Variants in GHITM observed in about 807,000 individuals in gnomAD.
GHITM encodes the protein growth hormone inducible transmembrane protein.
In GHITM, 24 loss-of-function variants were observed where a neutral mutation model predicts 38.7. That is an observed-to-expected ratio of 0.62 (90% CI 0.45 to 0.87). GHITM has a LOEUF of 0.87. GHITM is among the 40% of genes least tolerant of loss of function. The probability of loss-of-function intolerance (pLI) is 0.00; values close to 1 mark genes in which losing one functional copy is unlikely to be tolerated. For missense variants in GHITM, 420 were observed against 429.8 expected (o/e 0.98, Z 0.20); for synonymous variants, 154 against 147.8 (o/e 1.04, Z -0.30).
In GHITM at chr10:84,141,445, C is replaced by T. The variant is rs542130459; in HGVS notation, c.-39-17C>T. On this transcript the variant is annotated splice_polypyrimidine_tract_variant and intron_variant, in intron 1 of 8. Coordinates refer to ENST00000372134, the MANE Select transcript of GHITM (RefSeq NM_014394.3). ...ACTTATGTTTTTTTGGTTGGTTTTG[C>T]CTTTTTTTTAAACTAGCATTTCAGA... is the stretch of plus-strand genomic sequence containing the variant. 3 of 1,575,442 alleles carry T rather than the reference C, an allele frequency of 1.9e-6. No homozygotes were observed. The highest frequency in any genetic ancestry group is 2.2e-5 in the South Asian group (2 of 89,248).
chr10:84,144,245 A>C, intron 4 of GHITM, 139 bp downstream of exon 4: 3 of 568,010 alleles, frequency 5.3e-6, no homozygotes, highest in East Asian at 2.8e-5. Context: ...CAAATAGAGA[A>C]TCTCTTTTTG....
In GHITM at chr10:84,145,012, G is replaced by C. The variant is rs113970915; in HGVS notation, c.479G>C (p.Trp160Ser). Residue 160 changes from tryptophan (W) to serine (S), a missense_variant, in exon 5 of 9, where the codon TGG becomes TCG. Trp to Ser is a radical substitution (Grantham distance 177). Transcript: ENST00000372134. ...VLMNFMMRGS[W>S]VTIGVTFAAM... ...ATGAACTTCATGATGAGAGGCTCTT[G>C]GGTGGTAAGTCAGCTGTTTTTGTTT... 8.8e-6 allele frequency: 14 copies of C among 1,593,114 alleles called. No individual in the cohort carries two copies. Among genetic ancestry groups the C allele is most frequent in the Non-Finnish European group, 1.2e-5 (14 of 1,169,184 alleles).
intron 6 of GHITM, among the ~76,000 whole-genome samples, chr10:84,149,217 A>C (rs1218111274): frequency 6.6e-6 from 1 of 152,234 alleles, no homozygotes; most frequent in African/African-American, 2.4e-5. Flanking sequence ...TTGCTGCGAA[A>C]TAACAAAAAA....
chr10:84,152,216 C>T (rs1191789435), intron 8 of GHITM, 48 bp from the exon 9 acceptor site: 1 of 807,832 alleles, frequency 1.2e-6, no homozygotes, highest in Non-Finnish European at 2.1e-6. Context: ...AATTCAACAT[C>T]ACTATTAGAA....
chr10:84,149,472 T>G (rs1841589470), intron 6 of GHITM, among the ~76,000 whole-genome samples: 1 of 152,210 alleles, frequency 6.6e-6, no homozygotes, highest in Non-Finnish European at 1.5e-5. Flanking sequence ...AGCACTGAAA[T>G]AATGCATTAT....
At chr10:84,146,067 A>C (rs959278744) in intron 5 of GHITM, among the ~76,000 whole-genome samples, 5 of 152,198 alleles carry the variant, frequency 3.3e-5, no homozygotes, top group Non-Finnish European at 5.9e-5. Context: ...AAAATTAAAA[A>C]AAAATTTTTT....
chr10:84,151,597 CT>C (rs1376747690), intron 8 of GHITM, among the ~76,000 whole-genome samples: 1 of 151,956 alleles, frequency 6.6e-6, no homozygotes, highest in Non-Finnish European at 1.5e-5. Flanking sequence ...ATAGAAAAGC[CT>C]ATTTTATACT....
Position 84,153,339 on chromosome 10 carries a change from G to T in GHITM, c.*991G>T, listed in dbSNP as rs549932541. The T allele has an allele frequency of 1.3e-5, 2 of 152,084 alleles. No individual in the cohort carries two copies. Among genetic ancestry groups the T allele is most frequent in the East Asian group, 1.9e-4 (1 of 5,192 alleles). 9.4% of individuals were successfully genotyped at this position (152,084 alleles called of 1,614,324 possible). The stretch of plus-strand genomic sequence containing the variant: ...TTTCTCCTAAGACTTTTGGTTTCTC[G>T]CATTGCCTCTCAGACTAAGCACTAA... On this transcript the variant is annotated 3_prime_UTR_variant, in exon 9 of 9. Transcript: ENST00000372134.
intron 8 of GHITM, among the ~76,000 whole-genome samples, chr10:84,151,289 A>G (rs1841609793): frequency 6.6e-6 from 1 of 152,188 alleles, no homozygotes; most frequent in Non-Finnish European, 1.5e-5. Context: ...AACCACACCA[A>G]TGGCTTTGTC....
chr10:84,150,406 C>T (rs1276949214), intron 7 of GHITM, among the ~76,000 whole-genome samples, 163 bp downstream of exon 7: 1 of 152,184 alleles, frequency 6.6e-6, no homozygotes, highest in East Asian at 1.9e-4. Context: ...AAAATCATGG[C>T]AACATGGTCA....
At chr10:84,144,803 C>T in intron 4 of GHITM, 72 bp from the exon 5 acceptor site, 1 of 998,348 alleles carries the variant, frequency 1.0e-6, no homozygotes, top group South Asian at 1.8e-5. Flanking sequence ...CCGAGGTCGC[C>T]CAGCTAGTGT....
At chr10:84,141,662 C>G in intron 2 of GHITM, 33 bp downstream of exon 2, 2 of 1,608,630 alleles carry the variant, frequency 1.2e-6, no homozygotes, top group Non-Finnish European at 1.7e-6. Context: ...TATATTGCTT[C>G]TTTTTCCATT....
chr10:84,152,974 A>G lies in GHITM; in HGVS notation c.*626A>G, dbSNP rs1438100972. The G allele has an allele frequency of 6.6e-6, 1 of 152,232 alleles. No individual in the cohort carries two copies. The highest frequency in any genetic ancestry group is 1.5e-5 in the Non-Finnish European group (1 of 68,060). 9.4% of individuals were successfully genotyped at this position (152,232 alleles called of 1,614,324 possible). On this transcript the variant is annotated 3_prime_UTR_variant, in exon 9 of 9. Transcript: ENST00000372134. Reference sequence around the variant, plus strand: ...ATGCATTCTCCTGCTGTTGCTTCTCAGTGCTCTCTTTCCAATATAGATGTG... The same window carrying G: ...ATGCATTCTCCTGCTGTTGCTTCTCGGTGCTCTCTTTCCAATATAGATGTG...
chr10:84,149,557 T>C (rs1158866647), intron 6 of GHITM, among the ~76,000 whole-genome samples: 1 of 152,256 alleles, frequency 6.6e-6, no homozygotes, highest in East Asian at 1.9e-4. Context: ...AAATTGTTTA[T>C]AAATATCTGA....
At chr10:84,143,519 T>A (rs1351665449) in intron 3 of GHITM, among the ~76,000 whole-genome samples, 1 of 152,218 alleles carries the variant, frequency 6.6e-6, no homozygotes, top group Non-Finnish European at 1.5e-5. Context: ...GGGAGCCTCC[T>A]CTCACTTGAT....
chr10:84,149,972 A>G, intron 6 of GHITM, 83 bp from the exon 7 acceptor site: 2 of 1,110,340 alleles, frequency 1.8e-6, no homozygotes, highest in Non-Finnish European at 2.5e-6. Flanking sequence ...GTAAGGTATA[A>G]TATAAAGTGG....
chr10:84,140,103 C>T (rs927038181), intron 1 of GHITM: 1 of 152,240 alleles, frequency 6.6e-6, no homozygotes, highest in Non-Finnish European at 1.5e-5. Flanking sequence ...CTCACAAGGT[C>T]ACTTCTAACC....
rs1252040488 is a variant in GHITM, at chr10:84,152,977, GCT to G, written c.*634_*635del. On this transcript the variant is annotated 3_prime_UTR_variant, in exon 9 of 9. Transcript: ENST00000372134. ...CATTCTCCTGCTGTTGCTTCTCAGT[GCT>G]CTCTTTCCAATATAGATGTGGTCAT... 1 of 152,302 alleles carries G rather than the reference GCT, an allele frequency of 6.6e-6. No homozygotes were observed. Among genetic ancestry groups the G allele is most frequent in the African/African-American group, 2.4e-5 (1 of 41,556 alleles). The allele number at this position is 152,302 out of a possible 1,614,324, so 9.4% of individuals were successfully genotyped here. A position where few individuals can be genotyped will look rare whatever the true frequency, so the allele number is the denominator to read the frequency against.
At chr10:84,150,308 A>G (rs1399838591) in intron 7 of GHITM, 65 bp downstream of exon 7, 1 of 1,194,216 alleles carries the variant, frequency 8.4e-7, no homozygotes, top group African/African-American at 1.5e-5. Flanking sequence ...AAATACTCCA[A>G]TATCCTAATT....
Sources: allele counts gnomAD v4.1 joint callset (sites outside exome capture counted in the v4.1 genomes callset), GRCh38; gene constraint gnomAD v4.1.1; transcripts MANE v1.5; gene names NCBI Gene and HGNC (gene_info 2026-07-23, HGNC 2026-07-21).